The following RERE variants were observed in gnomAD, a reference collection of about 807,000 sequenced individuals.
RERE encodes arginine-glutamic acid dipeptide repeats.
A neutral mutation model predicts 146.1 loss-of-function variants in RERE; 40 were observed. The observed-to-expected ratio is 0.27, with a 90% CI of 0.21 to 0.36. RERE has a LOEUF of 0.36. Ranked by LOEUF, RERE falls within the 10% of genes least tolerant of loss-of-function variation. RERE has a pLI of 1.00. For synonymous variants in RERE, 1,003 were observed against 866.0 expected (o/e 1.16, Z -2.78); for missense variants, 1,933 against 2,138.7 (o/e 0.90, Z 1.90).
intron 11 of RERE, among the ~76,000 whole-genome samples, chr1:8,446,401 G>A (rs1365830677): frequency 6.6e-6 from 1 of 151,984 alleles, no homozygotes; most frequent in East Asian, 1.9e-4. Flanking sequence ...CTTTCTCTCT[G>A]GCTGCCCTTA....
At chr1:8,540,695 C>A (rs1192176915) in intron 7 of RERE, among the ~76,000 whole-genome samples, 1 of 152,166 alleles carries the variant, frequency 6.6e-6, no homozygotes, top group African/African-American at 2.4e-5. Context: ...TTACATAGAT[C>A]TTACCAAGAT....
chr1:8,720,221 C>T (rs1569628464), intron 1 of RERE, among the ~76,000 whole-genome samples: 1 of 150,394 alleles, frequency 6.6e-6, no homozygotes, highest in Non-Finnish European at 1.5e-5. Context: ...TGCAATGAGC[C>T]GAGATCGCGC....
intron 1 of RERE, among the ~76,000 whole-genome samples, chr1:8,814,015 T>C (rs758660425): frequency 1.2e-4 from 18 of 152,250 alleles, no homozygotes; most frequent in African/African-American, 3.6e-4. Context: ...ACCTTTTTGT[T>C]GTGAATTGGT....
chr1:8,734,409 G>C (rs553841326), intron 1 of RERE, among the ~76,000 whole-genome samples: 1 of 152,240 alleles, frequency 6.6e-6, no homozygotes, highest in South Asian at 2.1e-4. Context: ...AAATCTGAGA[G>C]TTTCACTTTA....
intron 1 of RERE, among the ~76,000 whole-genome samples, chr1:8,804,554 G>C (rs986775562): frequency 2.6e-5 from 4 of 152,148 alleles, no homozygotes; most frequent in Non-Finnish European, 4.4e-5. Context: ...TTCCAGCACA[G>C]AATATACTTT....
chr1:8,670,747 A>C (rs927667529), intron 1 of RERE, among the ~76,000 whole-genome samples: 1 of 152,204 alleles, frequency 6.6e-6, no homozygotes, highest in African/African-American at 2.4e-5. Context: ...ATGGTGGCTG[A>C]AGCAGTGAGC....
chr1:8,396,044 T>C (rs1643045147), intron 12 of RERE, among the ~76,000 whole-genome samples: 5 of 152,190 alleles, frequency 3.3e-5, no homozygotes, highest in Admixed American at 3.3e-4. Flanking sequence ...GAGAAAGACT[T>C]TGTTCCCCAA....
chr1:8,433,158 A>G (rs1162995584), intron 11 of RERE, among the ~76,000 whole-genome samples: 3 of 152,182 alleles, frequency 2.0e-5, no homozygotes, highest in South Asian at 2.1e-4. Flanking sequence ...AACTAGCCCT[A>G]TCTCAGGACT....
chr1:8,466,152 T>C (rs955496346), intron 10 of RERE, 129 bp from the exon 11 acceptor site: 3 of 708,942 alleles, frequency 4.2e-6, no homozygotes, highest in Non-Finnish European at 6.9e-6. Flanking sequence ...GACTCCATCA[T>C]TTCAGTAGGC....
At chr1:8,607,530 A>ATTTTTTTTTTTTTTTTT (rs1646732347) in intron 4 of RERE, among the ~76,000 whole-genome samples, 5 of 57,582 alleles carry the variant, frequency 8.7e-5, no homozygotes, top group African/African-American at 3.4e-4. Context: ...TTTTATATAT[A>ATTTTTTTTTTTTTTTTT]TTTCTTTTTT....
chr1:8,807,078 G>GTGA (rs1341487478), intron 1 of RERE: 3 of 152,074 alleles, frequency 2.0e-5, no homozygotes, highest in African/African-American at 7.2e-5. Flanking sequence ...TTGAGACAGG[G>GTGA]TCTCACTCTG....
intron 4 of RERE, among the ~76,000 whole-genome samples, chr1:8,564,826 ATGTGTATGTGTGTGTG>A (rs1165392951): frequency 9.3e-5 from 11 of 117,838 alleles, no homozygotes; most frequent in African/African-American, 2.4e-4. Flanking sequence ...GTGTGTGTAT[ATGTGTATGTGTGTGTG>A]TGTGTGTGTG....
At position 8,718,951 on chromosome 1, in the gene RERE, C is replaced by T. The variant is rs201224262; in HGVS notation, c.-144-62510G>A. Among the ~76,000 whole-genome samples the T allele has an allele frequency of 2.6e-3, 401 of 152,234 alleles. 2 individuals carry two copies. Among genetic ancestry groups the T allele is most frequent in the African/African-American group, 9.2e-3 (381 of 41,536 alleles). The stretch of plus-strand genomic sequence containing the variant: ...ACCGTGTCATCTTGGACTCTGTCAT[C>T]GACTTATTGTAAAAACCTGATTAAA... On this transcript the variant is annotated intron_variant, in intron 1 of 22. Coordinates refer to ENST00000400908, the MANE Select transcript of RERE (RefSeq NM_001042681.2).
chr1:8,400,246 G>GTGTGTGTGTGTGTGTT (rs1462295350), intron 12 of RERE, among the ~76,000 whole-genome samples: 5 of 151,578 alleles, frequency 3.3e-5, no homozygotes, highest in Admixed American at 1.3e-4. Flanking sequence ...GTGTGTGTGT[G>GTGTGTGTGTGTGTGTT]TGTGTGTGTA....
At chr1:8,808,347 A>G (rs12137865) in intron 1 of RERE, among the ~76,000 whole-genome samples, 35,580 of 151,956 alleles carry the variant, frequency 0.23, 4,366 homozygotes, top group Middle Eastern at 0.27. Context: ...TATTCAAACC[A>G]TCTAGAGTTC....
intron 11 of RERE, among the ~76,000 whole-genome samples, chr1:8,459,037 G>A (rs1557641709): frequency 6.6e-6 from 1 of 152,186 alleles, no homozygotes; most frequent in Non-Finnish European, 1.5e-5. Flanking sequence ...ACTTTTCTGT[G>A]CATATAATTG....
intron 11 of RERE, among the ~76,000 whole-genome samples, chr1:8,426,449 CA>C (rs36061391): frequency 0.59 from 65,001 of 109,908 alleles, 16,683 homozygotes; most frequent in East Asian, 0.8. Flanking sequence ...GACTCTGTCT[CA>C]AAAAAAAAAA....
At chr1:8,500,445 C>G (rs1209996978) in intron 8 of RERE, among the ~76,000 whole-genome samples, 3 of 152,234 alleles carry the variant, frequency 2.0e-5, no homozygotes, top group African/African-American at 7.2e-5. Context: ...CTCCTGACCG[C>G]GAGTGATCCG....
intron 1 of RERE, among the ~76,000 whole-genome samples, chr1:8,690,213 G>C (rs952793096): frequency 6.6e-6 from 1 of 152,176 alleles, no homozygotes; most frequent in African/African-American, 2.4e-5. Flanking sequence ...TCTCTTCCTA[G>C]CTTGCAAATG....
Sources: allele counts gnomAD v4.1 joint callset (sites outside exome capture counted in the v4.1 genomes callset), GRCh38; gene constraint gnomAD v4.1.1; transcripts MANE v1.5; gene names NCBI Gene and HGNC (gene_info 2026-07-23, HGNC 2026-07-21).